The following ICMT variants were observed in gnomAD, a reference collection of about 807,000 sequenced individuals.
ICMT encodes protein-S-isoprenylcysteine O-methyltransferase.
A neutral mutation model predicts 32.2 loss-of-function variants in ICMT; 10 were observed. The ratio of observed to expected loss-of-function variants is 0.31; its 90% CI spans 0.19 to 0.53. The LOEUF (loss-of-function observed/expected upper bound fraction) is 0.53, where lower values mean the gene tolerates loss of function less well. Ranked by LOEUF, ICMT falls within the 20% of genes least tolerant of loss-of-function variation. The probability of loss-of-function intolerance (pLI) is 0.96; values close to 1 mark genes in which losing one functional copy is unlikely to be tolerated. For missense variants in ICMT, 265 were observed against 356.9 expected (o/e 0.74, Z 2.07); for synonymous variants, 183 against 158.2 (o/e 1.16, Z -1.18).
chr1:6,227,812 C>T (rs541629067), intron 4 of ICMT, among the ~76,000 whole-genome samples: 24 of 151,686 alleles, frequency 1.6e-4, no homozygotes, highest in African/African-American at 3.9e-4. Flanking sequence ...GCCGAGATTG[C>T]GCCACTGCAC....
At chr1:6,233,886 T>C (rs1415500686) in intron 2 of ICMT, among the ~76,000 whole-genome samples, 1 of 152,198 alleles carries the variant, frequency 6.6e-6, no homozygotes, top group Non-Finnish European at 1.5e-5. Context: ...TCTCGCTGTG[T>C]CGCCCAGGCT....
rs1308781014 is a variant in ICMT at position 6,222,918 on chromosome 1, G to C, written c.*2162C>G. ...TAGGAAGTGGAATTTGCTGCCCTAG[G>C]CGTGGTCTAAAGGACAAGTTTAGAA... On this transcript the variant is annotated 3_prime_UTR_variant, in exon 5 of 5. Transcript: ENST00000343813. 1 of 152,254 alleles carries C rather than the reference G, an allele frequency of 6.6e-6. No homozygotes were observed. The highest frequency in any genetic ancestry group is 2.4e-5 in the African/African-American group (1 of 41,464). The allele number at this position is 152,254 out of a possible 1,614,324, so 9.4% of individuals were successfully genotyped here. A position where few individuals can be genotyped will look rare whatever the true frequency, so the allele number is the denominator to read the frequency against.
At chr1:6,231,772 C>T (rs1668741073) in intron 4 of ICMT, 130 bp downstream of exon 4, 1 of 609,992 alleles carries the variant, frequency 1.6e-6, no homozygotes, top group Non-Finnish European at 2.8e-6. Flanking sequence ...AGACCAACAA[C>T]CTCATGAATA....
chr1:6,232,241 A>G, intron 3 of ICMT, 122 bp from the exon 4 acceptor site: 1 of 658,120 alleles, frequency 1.5e-6, no homozygotes, highest in East Asian at 2.7e-5. Flanking sequence ...CTGCTGGGCA[A>G]TCAGCATTTG....
chr1:6,228,480 C>G (rs1215660739), intron 4 of ICMT, among the ~76,000 whole-genome samples: 1 of 152,028 alleles, frequency 6.6e-6, no homozygotes, highest in African/African-American at 2.4e-5. Context: ...GTAGCTGGGA[C>G]TACAGATGCG....
chr1:6,235,083 T>G (rs777109510), intron 1 of ICMT, 109 bp from the exon 2 acceptor site: 9 of 820,020 alleles, frequency 1.1e-5, no homozygotes, highest in Non-Finnish European at 1.8e-5. Flanking sequence ...TAGAGCCGAT[T>G]TGCTGAGGTT....
chr1:6,234,622 T>C (rs1668788723), intron 2 of ICMT: 1 of 530,016 alleles, frequency 1.9e-6, no homozygotes, highest in African/African-American at 1.9e-5. Context: ...AGTTACGGAA[T>C]GCTGTCACCA....
chr1:6,233,727 C>T, intron 2 of ICMT, 84 bp from the exon 3 acceptor site: 1 of 1,161,648 alleles, frequency 8.6e-7, no homozygotes, highest in Admixed American at 2.1e-5. Flanking sequence ...CTGAGCTGTC[C>T]CTAAGTCTAT....
At chr1:6,228,363 G>A (rs1043206435) in intron 4 of ICMT, among the ~76,000 whole-genome samples, 11 of 148,510 alleles carry the variant, frequency 7.4e-5, no homozygotes, top group African/African-American at 2.7e-4. Flanking sequence ...TTTTTTTTGA[G>A]ATGGAGTCTC....
chr1:6,229,308 G>A (rs58910343), intron 4 of ICMT, among the ~76,000 whole-genome samples: 6,043 of 151,954 alleles, frequency 0.04, 124 homozygotes, highest in Middle Eastern at 0.062. Context: ...GAGAAACCCC[G>A]TCTCTACTAA....
intron 4 of ICMT, among the ~76,000 whole-genome samples, chr1:6,227,346 T>C (rs1668660387): frequency 6.6e-6 from 1 of 152,210 alleles, no homozygotes; most frequent in African/African-American, 2.4e-5. Flanking sequence ...AAACAAAAAT[T>C]GTAAATGCTA....
rs1668542597 is a variant in ICMT, at chr1:6,221,288, A to T, written c.*3792T>A. On this transcript the variant is annotated 3_prime_UTR_variant, in exon 5 of 5. Coordinates refer to ENST00000343813, the MANE Select transcript of ICMT (RefSeq NM_012405.4). Reference sequence around the variant, plus strand: ...ATTTAGAATATTTAAATAAACATTTATGTAAAAAGAAGAGTAGAATAATTA... The same window carrying T: ...ATTTAGAATATTTAAATAAACATTTTTGTAAAAAGAAGAGTAGAATAATTA... 1 of 152,664 alleles carries T rather than the reference A, an allele frequency of 6.6e-6. No homozygotes were observed. Among genetic ancestry groups the T allele is most frequent in the Non-Finnish European group, 1.5e-5 (1 of 68,042 alleles). The allele number at this position is 152,664 out of a possible 1,614,324, so 9.5% of individuals were successfully genotyped here.
chr1:6,229,823 C>CACACACAT (rs3221751), intron 4 of ICMT, among the ~76,000 whole-genome samples: 64 of 137,376 alleles, frequency 4.7e-4, no homozygotes, highest in African/African-American at 1.4e-3. Flanking sequence ...CACACACACA[C>CACACACAT]ATAGAGCAGG....
rs1668769715 is a variant in ICMT at position 6,233,538 on chromosome 1, C to T, written c.390G>A (p.Leu130=). The T allele has an allele frequency of 3.7e-6, 6 of 1,614,166 alleles. No homozygotes were observed. The highest frequency in any genetic ancestry group is 5.1e-6 in the Non-Finnish European group (6 of 1,180,016). Residue 130 remains leucine, a synonymous_variant, in exon 3 of 5, where the codon CTG becomes CTA. Transcript: ENST00000343813. ...SLDSFLLNHS[L]EYTVAALSSW... ...AAGAAAGAGCAGCTACTGTATACTC[C>T]AGGCTGTGATTCAGGAGAAAGGAAT...
Position 6,235,632 on chromosome 1 carries a change from G to A in ICMT, c.195+85C>T, listed in dbSNP as rs907507475. On this transcript the variant is annotated intron_variant, in intron 1 of 4. Coordinates refer to ENST00000343813, the MANE Select transcript of ICMT (RefSeq NM_012405.4). The stretch of plus-strand genomic sequence containing the variant: ...GCGCGCGCGTGGGAGGCCACTGCGG[G>A]CCCGGGGAGAAAGGTGCCCACGCGC... 6.3e-6 allele frequency: 6 copies of A among 946,496 alleles called. No individual in the cohort carries two copies. The South Asian group carries it at 1.5e-4, about 23-fold the overall frequency. 58.6% of individuals were successfully genotyped at this position (946,496 alleles called of 1,614,324 possible).
At position 6,235,690 on chromosome 1, in the gene ICMT, C is replaced by A. The variant is rs895652399; in HGVS notation, c.195+27G>T. 45 of 1,157,432 alleles carry A rather than the reference C, an allele frequency of 3.9e-5. No homozygotes were observed. The African/African-American group carries it at 7.3e-4, about 19-fold the overall frequency. The allele number at this position is 1,157,432 out of a possible 1,614,324, so 71.7% of individuals were successfully genotyped here. On this transcript the variant is annotated intron_variant, in intron 1 of 4. Transcript: ENST00000343813. ...AGCGGACCGCCGCCCGCCCCGCCGGCCCCCGCCGGCCCCCGCCGGCCTGCA... is the reference window on the plus strand; with the variant it reads ...AGCGGACCGCCGCCCGCCCCGCCGGACCCCGCCGGCCCCCGCCGGCCTGCA...
intron 3 of ICMT, among the ~76,000 whole-genome samples, chr1:6,232,827 C>A (rs567018237): frequency 6.6e-6 from 1 of 151,624 alleles, no homozygotes. Flanking sequence ...GGATTAAAGG[C>A]GTGAGCCACT....
Position 6,224,940 on chromosome 1 carries a change from T to C in ICMT, c.*140A>G. 1.2e-6 allele frequency: 1 copy of C among 802,174 alleles called. No individual in the cohort carries two copies. The highest frequency in any genetic ancestry group is 2.0e-6 in the Non-Finnish European group (1 of 497,480). The allele number at this position is 802,174 out of a possible 1,614,324, so 49.7% of individuals were successfully genotyped here. A position where few individuals can be genotyped will look rare whatever the true frequency, so the allele number is the denominator to read the frequency against. On this transcript the variant is annotated 3_prime_UTR_variant, in exon 5 of 5. Transcript: ENST00000343813. ...TGGGTCCTCAGGCCTTCTGACCGCT[T>C]GGTCTTGAGTGACATTCCAGAAGAG... is the stretch of plus-strand genomic sequence containing the variant.
chr1:6,235,317 T>C (rs987716421), intron 1 of ICMT, among the ~76,000 whole-genome samples: 2 of 152,208 alleles, frequency 1.3e-5, no homozygotes, highest in African/African-American at 2.4e-5. Flanking sequence ...TCGTGATTAC[T>C]ATTCAGGGCT....
Sources: gnomAD v4.1 joint callset for allele counts (sites outside exome capture counted in the v4.1 genomes callset) on GRCh38, gnomAD v4.1.1 for gene constraint, MANE v1.5 for transcripts, NCBI Gene and HGNC (gene_info 2026-07-23, HGNC 2026-07-21) for gene names.